CISTR: variants seen among roughly 807,000 people sequenced by gnomAD.
CISTR encodes chondrogenesis-associated transcript.
At chr12:53,748,652 G>A (rs554983162) in intron 2 of CISTR, among the ~76,000 whole-genome samples, 25 of 152,264 alleles carry the variant, frequency 1.6e-4, no homozygotes, top group Admixed American at 5.9e-4. Context: ...ACAGAGGCAT[G>A]AGAAGGTCCC....
intron 2 of CISTR, among the ~76,000 whole-genome samples, chr12:53,749,985 C>T (rs1371406040): frequency 1.3e-5 from 2 of 152,138 alleles, no homozygotes; most frequent in Non-Finnish European, 2.9e-5. Context: ...TTTCATTTTT[C>T]TGTCTATTAA....
At chr12:53,748,524 G>A (rs1474229504) in intron 2 of CISTR, among the ~76,000 whole-genome samples, 1 of 152,184 alleles carries the variant, frequency 6.6e-6, no homozygotes, top group African/African-American at 2.4e-5. Flanking sequence ...AGGAGAGACA[G>A]ACCTAGAGAC....
At chr12:53,755,313 G>GTGTA (rs1937902712) in intron 1 of CISTR, among the ~76,000 whole-genome samples, 2 of 123,212 alleles carry the variant, frequency 1.6e-5, no homozygotes, top group South Asian at 4.5e-4. Flanking sequence ...TTTGGGGTGT[G>GTGTA]TGTGTGTGTG....
At chr12:53,753,060 A>T (rs911087355) in intron 1 of CISTR, among the ~76,000 whole-genome samples, 3 of 119,568 alleles carry the variant, frequency 2.5e-5, no homozygotes, top group Non-Finnish European at 6.0e-5. Context: ...CATCACACAC[A>T]CACACACACA....
Position 53,746,776 on chromosome 12 carries a change from T to G in CISTR, n.1136A>C, listed in dbSNP as rs148603616. Among the ~76,000 whole-genome samples the G allele has an allele frequency of 6.4e-4, 97 of 152,298 alleles. 1 individual carries two copies. The East Asian group carries it at 0.018, about 28-fold the overall frequency. On this transcript the variant is annotated non_coding_transcript_exon_variant, in exon 3 of 3. Coordinates refer to ENST00000669269, the Ensembl canonical transcript of CISTR. ...GGAGCGCTGTTCTCTGCCGCCCTCC[T>G]GTGGCCGCTGAGCCCTTCGCAGATC...
intron 1 of CISTR, among the ~76,000 whole-genome samples, chr12:53,755,353 G>A (rs1937903626): frequency 6.7e-6 from 1 of 148,810 alleles, no homozygotes; most frequent in Admixed American, 6.7e-5. Context: ...GGTAGGAAAT[G>A]TGTTGTTGGA....
At chr12:53,748,619 G>A (rs761389028) in intron 2 of CISTR, among the ~76,000 whole-genome samples, 3 of 152,126 alleles carry the variant, frequency 2.0e-5, no homozygotes, top group Non-Finnish European at 4.4e-5. Context: ...CCAGAAACCA[G>A]CCATAGCAGA....
At position 53,751,989 on chromosome 12, in the gene CISTR, T is replaced by A. The variant is rs756771828; in HGVS notation, n.415-1024A>T. ...CTTCCACAGGGTCTCTCCCTCCCCC[T>A]CTCCCCGTGGTTGTCAGACTTTCTC... On this transcript the variant is annotated intron_variant and non_coding_transcript_variant, in intron 1 of 2. Transcript: ENST00000669269. This position sits in a 1 kb window ranked among gnomAD's most constrained non-coding sequence, Gnocchi z 4.6. 4.6e-5 allele frequency among the ~76,000 whole-genome samples: 7 copies of A among 150,970 alleles called. No individual in the cohort carries two copies. The highest frequency in any genetic ancestry group is 1.0e-4 in the Non-Finnish European group (7 of 67,834).
chr12:53,753,272 C>T (rs1007182868), intron 1 of CISTR, among the ~76,000 whole-genome samples: 2 of 152,138 alleles, frequency 1.3e-5, no homozygotes, highest in African/African-American at 4.8e-5. Context: ...AGGGGAGATC[C>T]AGAGGGAGGA....
At chr12:53,746,486 G>T (rs1362447827) in exon 3 of CISTR, among the ~76,000 whole-genome samples, 4 of 152,122 alleles carry the variant, frequency 2.6e-5, no homozygotes, top group African/African-American at 9.7e-5. Context: ...AGGAGCGTGG[G>T]TGTCATCTGC....
At chr12:53,748,531 A>C (rs1167020628) in intron 2 of CISTR, among the ~76,000 whole-genome samples, 4 of 152,308 alleles carry the variant, frequency 2.6e-5, no homozygotes, top group Admixed American at 2.6e-4. Context: ...ACAGACCTAG[A>C]GACAGGACAG....
chr12:53,756,682 G>A lies in CISTR; in HGVS notation n.414+132C>T, dbSNP rs879318680. The A allele has an allele frequency of 6.5e-6, 1 of 153,464 alleles. No individual in the cohort carries two copies. Among genetic ancestry groups the A allele is most frequent in the Middle Eastern group, 3.1e-3 (1 of 326 alleles). 9.5% of individuals were successfully genotyped at this position (153,464 alleles called of 1,614,324 possible). ...GCTAACTCTCATGATTCACTGTTTA[G>A]TGCTCTTTCCTCAGTCAGAGTCAGA... On this transcript the variant is annotated intron_variant and non_coding_transcript_variant, in intron 1 of 2. Coordinates refer to ENST00000669269, the Ensembl canonical transcript of CISTR. The surrounding 1 kb of genome is among the most constrained non-coding windows in gnomAD (Gnocchi z 4.0).
chr12:53,755,308 GGTGTGT>G (rs3058893), intron 1 of CISTR, among the ~76,000 whole-genome samples: 4,179 of 147,216 alleles, frequency 0.028, 201 homozygotes, highest in African/African-American at 0.097. Flanking sequence ...TCCTGTTTGG[GGTGTGT>G]GTGTGTGTGT....
intron 1 of CISTR, among the ~76,000 whole-genome samples, chr12:53,753,431 ACT>A (rs1937880202): frequency 6.6e-6 from 1 of 152,058 alleles, no homozygotes; most frequent in Non-Finnish European, 1.5e-5. Context: ...AAGTCCTGTG[ACT>A]CTGGCACTGG....
chr12:53,751,270 G>A lies in CISTR; in HGVS notation n.415-305C>T, dbSNP rs1450618202. Among the ~76,000 whole-genome samples the A allele has an allele frequency of 6.6e-6, 1 of 152,164 alleles. No homozygotes were observed. The highest frequency in any genetic ancestry group is 2.4e-5 in the African/African-American group (1 of 41,440). Reference sequence around the variant, plus strand: ...TTCCGCACCTCCCAACGCCTGCAGGGGTTGGGGGCGCTGGGGCTCGGGGCG... The same window carrying A: ...TTCCGCACCTCCCAACGCCTGCAGGAGTTGGGGGCGCTGGGGCTCGGGGCG... On this transcript the variant is annotated intron_variant and non_coding_transcript_variant, in intron 1 of 2. Transcript: ENST00000669269. The surrounding 1 kb of genome is among the most constrained non-coding windows in gnomAD (Gnocchi z 4.6).
rs1669300327 is a variant in CISTR at position 53,756,553 on chromosome 12, T to G, written n.414+261A>C. Among the ~76,000 whole-genome samples, 1 of 152,182 alleles carries G rather than the reference T, an allele frequency of 6.6e-6. No homozygotes were observed. Among genetic ancestry groups the G allele is most frequent in the South Asian group, 2.1e-4 (1 of 4,830 alleles). Reference sequence around the variant, plus strand: ...GATCACAGACGTGAGCCACTGCACTTGGCCTCTTTCAGGTTTCAGATGAGG... The same window carrying G: ...GATCACAGACGTGAGCCACTGCACTGGGCCTCTTTCAGGTTTCAGATGAGG... On this transcript the variant is annotated intron_variant and non_coding_transcript_variant, in intron 1 of 2. Transcript: ENST00000669269. The surrounding 1 kb of genome is among the most constrained non-coding windows in gnomAD (Gnocchi z 4.0).
At chr12:53,750,009 T>G (rs1011047569) in intron 2 of CISTR, among the ~76,000 whole-genome samples, 1 of 152,162 alleles carries the variant, frequency 6.6e-6, no homozygotes, top group Admixed American at 6.5e-5. Context: ...TGGGCAGTAA[T>G]GTTCCCAGGA....
chr12:53,747,877 G>A (rs967332152), intron 2 of CISTR, among the ~76,000 whole-genome samples: 12 of 152,086 alleles, frequency 7.9e-5, no homozygotes, highest in African/African-American at 2.4e-4. Flanking sequence ...AGGTGCTGCC[G>A]GGCTGGGGAT....
At position 53,751,149 on chromosome 12, in the gene CISTR, T is replaced by C. The variant is rs1937845401; in HGVS notation, n.415-184A>G. Among the ~76,000 whole-genome samples, 1 of 151,658 alleles carries C rather than the reference T, an allele frequency of 6.6e-6. No individual in the cohort carries two copies. The highest frequency in any genetic ancestry group is 6.6e-5 in the Admixed American group (1 of 15,242). ...GCAGGTGTGCCCACGCGCAATACCCTCCTGGCCCACAGGCCTCCGCACGCA... is the reference window on the plus strand; with the variant it reads ...GCAGGTGTGCCCACGCGCAATACCCCCCTGGCCCACAGGCCTCCGCACGCA... On this transcript the variant is annotated intron_variant and non_coding_transcript_variant, in intron 1 of 2. Transcript: ENST00000669269. The surrounding 1 kb of genome is among the most constrained non-coding windows in gnomAD (Gnocchi z 4.6).
Sources: allele counts gnomAD v4.1 joint callset (sites outside exome capture counted in the v4.1 genomes callset), GRCh38; gene constraint gnomAD v4.1.1; non-coding constraint Gnocchi (gnomAD v3.1); transcripts MANE v1.5; gene names NCBI Gene and HGNC (gene_info 2026-07-23, HGNC 2026-07-21).